The following FBXO4 variants were observed in gnomAD, a reference collection of about 807,000 sequenced individuals.
FBXO4 encodes the protein F-box protein 4.
A neutral mutation model predicts 43.7 loss-of-function variants in FBXO4; 36 were observed. The ratio of observed to expected loss-of-function variants is 0.82; its 90% CI spans 0.63 to 1.09. The LOEUF is 1.09. FBXO4 is among the 50% of genes least tolerant of loss of function. The pLI is 0.00. For synonymous variants in FBXO4, 180 were observed against 165.6 expected, an observed-to-expected ratio of 1.09 and a Z score of -0.67; for missense variants, 435 against 474.1, an observed-to-expected ratio of 0.92 and a Z score of 0.77.
the FBXO4 span, among the ~76,000 whole-genome samples, chr5:42,015,716 A>T: frequency 1.3e-5 from 2 of 148,190 alleles, no homozygotes; most frequent in African/African-American, 5.2e-5. Flanking sequence ...TATTGCCAGG[A>T]TTGAAAAAAA....
chr5:41,979,788 C>T, the FBXO4 span, among the ~76,000 whole-genome samples: 1 of 152,116 alleles, frequency 6.6e-6, no homozygotes, highest in Non-Finnish European at 1.5e-5. Context: ...AAGAAGTCTG[C>T]AATAACAACA....
the FBXO4 span, among the ~76,000 whole-genome samples, chr5:42,035,421 C>A: frequency 1.3e-5 from 2 of 152,046 alleles, no homozygotes; most frequent in Admixed American, 6.6e-5. Context: ...GGGAATGCTT[C>A]CAGCATTGGT....
the FBXO4 span, among the ~76,000 whole-genome samples, chr5:41,971,234 A>ATGTG: frequency 4.9e-5 from 7 of 141,434 alleles, no homozygotes; most frequent in African/African-American, 1.8e-4. Flanking sequence ...GTGTGTGTGT[A>ATGTG]TGTGTGTGTG....
intron 3 of FBXO4, 78 bp downstream of exon 3, chr5:41,929,995 T>A: frequency 8.4e-7 from 1 of 1,190,926 alleles, no homozygotes; most frequent in Non-Finnish European, 1.2e-6. Flanking sequence ...AAATTCATTT[T>A]AAATTAATTA....
the FBXO4 span, among the ~76,000 whole-genome samples, chr5:42,032,873 C>T: frequency 6.6e-6 from 1 of 152,164 alleles, no homozygotes; most frequent in African/African-American, 2.4e-5. Context: ...CTCAGAGGCT[C>T]ACCCAAAGCC....
chr5:41,993,240 G>T, the FBXO4 span, among the ~76,000 whole-genome samples: 1 of 152,074 alleles, frequency 6.6e-6, no homozygotes, highest in Non-Finnish European at 1.5e-5. Context: ...TTTTCTTATA[G>T]AGCTGTGTTG....
chr5:41,929,228 C>T (rs1318332930), intron 2 of FBXO4, among the ~76,000 whole-genome samples: 1 of 152,152 alleles, frequency 6.6e-6, no homozygotes, highest in East Asian at 1.9e-4. Flanking sequence ...GTTCTGGGGC[C>T]TGCCCTATGC....
rs1366013044 is a variant in FBXO4 at position 41,938,169 on chromosome 5, TG to T, written c.899-1271del. Among the ~76,000 whole-genome samples, 3 of 152,176 alleles carry T rather than the reference TG, an allele frequency of 2.0e-5. No individual in the cohort carries two copies. In the South Asian group the frequency reaches 6.2e-4, roughly 31 times the overall value. On this transcript the variant is annotated intron_variant, in intron 5 of 6. Coordinates refer to ENST00000281623, the MANE Select transcript of FBXO4 (RefSeq NM_012176.3). ...TAATTTTAATAAAAAAAACTAATAG[TG>T]TATTATACATGTATGACATTTTAAA... is the stretch of plus-strand genomic sequence containing the variant.
the FBXO4 span, among the ~76,000 whole-genome samples, chr5:41,987,661 T>G: frequency 2.6e-5 from 4 of 152,318 alleles, no homozygotes; most frequent in East Asian, 7.7e-4. Flanking sequence ...AATATTCAAG[T>G]TTCAAATTAA....
At chr5:41,979,686 C>A in the FBXO4 span, among the ~76,000 whole-genome samples, 9,568 of 152,216 alleles carry the variant, frequency 0.063, 331 homozygotes, top group African/African-American at 0.08. Flanking sequence ...CTCAGCAAGT[C>A]CCCTGGCATG....
chr5:42,016,325 A>G, the FBXO4 span, among the ~76,000 whole-genome samples: 2 of 152,036 alleles, frequency 1.3e-5, no homozygotes, highest in Admixed American at 1.3e-4. Flanking sequence ...TTGTAAAAGG[A>G]GAAAGATGCA....
the FBXO4 span, among the ~76,000 whole-genome samples, chr5:41,958,352 T>G: frequency 1.3e-5 from 2 of 152,166 alleles, no homozygotes; most frequent in Non-Finnish European, 2.9e-5. Context: ...GCCAGGATGG[T>G]CTCGATCTCC....
chr5:41,990,014 G>A, the FBXO4 span, among the ~76,000 whole-genome samples: 1 of 152,086 alleles, frequency 6.6e-6, no homozygotes, highest in Non-Finnish European at 1.5e-5. Flanking sequence ...TTACGAAGTA[G>A]GATTTAGACC....
At chr5:41,934,687 C>T (rs1751804942) in intron 5 of FBXO4, 1 of 1,070,698 alleles carries the variant, frequency 9.3e-7, no homozygotes, top group Non-Finnish European at 1.1e-6. Context: ...GACATTTTGT[C>T]TGCTTCTGGC....
chr5:41,970,196 A>C, the FBXO4 span, among the ~76,000 whole-genome samples: 2 of 152,088 alleles, frequency 1.3e-5, no homozygotes, highest in African/African-American at 2.4e-5. Context: ...AATTTACAGC[A>C]GTAGATATCT....
chr5:41,961,532 G>A, the FBXO4 span, among the ~76,000 whole-genome samples: 1 of 152,176 alleles, frequency 6.6e-6, no homozygotes, highest in South Asian at 2.1e-4. Context: ...GTAACAGCAT[G>A]TGATGTGCAG....
At chr5:41,984,499 C>T in the FBXO4 span, among the ~76,000 whole-genome samples, 10 of 152,252 alleles carry the variant, frequency 6.6e-5, no homozygotes, top group East Asian at 3.9e-4. Context: ...CACTCTCTGA[C>T]GTCTCACTTA....
At chr5:42,006,171 A>G in the FBXO4 span, among the ~76,000 whole-genome samples, 1 of 152,172 alleles carries the variant, frequency 6.6e-6, no homozygotes, top group African/African-American at 2.4e-5. Flanking sequence ...ACGAAATTAC[A>G]GTTCAATTAC....
At chr5:41,970,288 C>T in the FBXO4 span, among the ~76,000 whole-genome samples, 794 of 152,058 alleles carry the variant, frequency 5.2e-3, 2 homozygotes, top group Admixed American at 8.4e-3. Flanking sequence ...TATATCTTTA[C>T]CTTGGCTAGA....
Sources: allele counts gnomAD v4.1 joint callset (sites outside exome capture counted in the v4.1 genomes callset), GRCh38; gene constraint gnomAD v4.1.1; transcripts MANE v1.5; gene names NCBI Gene and HGNC (gene_info 2026-07-23, HGNC 2026-07-21).